Variants in EML1 observed in about 807,000 individuals in gnomAD.
EML1 encodes echinoderm microtubule-associated protein-like 1.
A neutral mutation model predicts 110.4 loss-of-function variants in EML1; 27 were observed. The observed-to-expected ratio is 0.24, with a 90% CI of 0.18 to 0.34. The LOEUF (loss-of-function observed/expected upper bound fraction) is 0.34, where lower values mean the gene tolerates loss of function less well. Ranked by LOEUF, EML1 falls within the 10% of genes least tolerant of loss-of-function variation. EML1 has a pLI of 1.00. For missense variants in EML1, 741 were observed against 1,030.9 expected (o/e 0.72, Z 3.85); for synonymous variants, 344 against 385.8 (o/e 0.89, Z 1.27).
At position 99,876,608 on chromosome 14, in the gene EML1, C is replaced by G. The variant is rs1264778054; in HGVS notation, c.384-1877C>G. On this transcript the variant is annotated intron_variant, in intron 3 of 21. Coordinates refer to ENST00000262233, the MANE Select transcript of EML1 (RefSeq NM_004434.3). ...TTTCCTCTGCATCCGTGGCTCAGCA[C>G]CCGCCAGATGGATAGAGTCTGTCCT... Among the ~76,000 whole-genome samples the G allele has an allele frequency of 2.0e-5, 3 of 152,310 alleles. No individual in the cohort carries two copies. The East Asian group carries it at 5.8e-4, about 29-fold the overall frequency.
intron 1 of EML1, among the ~76,000 whole-genome samples, chr14:99,741,239 A>T (rs1595223835): frequency 6.6e-6 from 1 of 152,156 alleles, no homozygotes; most frequent in Admixed American, 6.5e-5. Flanking sequence ...CAGCAGAGTG[A>T]CCCTGTCTCT....
chr14:99,908,766 A>G (rs2059898193), intron 10 of EML1, among the ~76,000 whole-genome samples: 2 of 152,194 alleles, frequency 1.3e-5, no homozygotes, highest in South Asian at 4.1e-4. Flanking sequence ...TCACTGAGCC[A>G]CAGGCAGAGT....
At chr14:99,849,790 C>T (rs896196001) in intron 1 of EML1, among the ~76,000 whole-genome samples, 7 of 152,084 alleles carry the variant, frequency 4.6e-5, no homozygotes, top group African/African-American at 1.2e-4. Context: ...TTAGGTGATC[C>T]GTTTGCCTTG....
At position 99,939,415 on chromosome 14, in the gene EML1, G is replaced by A; in HGVS notation, c.2322+88G>A. 2 of 1,560,894 alleles carry A rather than the reference G, an allele frequency of 1.3e-6. No individual in the cohort carries two copies. The highest frequency in any genetic ancestry group is 1.2e-5 in the South Asian group (1 of 83,468). Reference sequence around the variant, plus strand: ...TTTGGAGACTAAGTGGAAATGGGCTGTGAGCGACTGCTGCCAGCCACAAAG... The same window carrying A: ...TTTGGAGACTAAGTGGAAATGGGCTATGAGCGACTGCTGCCAGCCACAAAG... On this transcript the variant is annotated intron_variant, in intron 21 of 21. Coordinates refer to ENST00000262233, the MANE Select transcript of EML1 (RefSeq NM_004434.3). This position sits in a 1 kb window ranked among gnomAD's most constrained non-coding sequence, Gnocchi z 4.2.
At chr14:99,821,005 C>G (rs1007982012) in intron 1 of EML1, among the ~76,000 whole-genome samples, 1 of 151,228 alleles carries the variant, frequency 6.6e-6, no homozygotes, top group African/African-American at 2.4e-5. Context: ...GTTATTGCAG[C>G]AGGACTTCTT....
In EML1 at chr14:99,937,909, T is replaced by C; in HGVS notation, c.2188T>C (p.Phe730Leu). 6.2e-7 allele frequency: 1 copy of C among 1,613,820 alleles called. No individual in the cohort carries two copies. Among genetic ancestry groups the C allele is most frequent in the South Asian group, 1.1e-5 (1 of 91,056 alleles). The change falls in exon 20 of 22, where the codon TTT (phenylalanine) becomes CTT (leucine). Residue 730 changes from phenylalanine to leucine, a missense_variant. Phe to Leu is a conservative substitution (Grantham distance 22). Transcript: ENST00000262233. ...TYTCTLGFHV[F>L]GVWPEGSDGT... ...TACCTGCACTTTGGGATTCCATGTTTTTGGTAAGTTTGCTGCAGATTTCAC... is the reference window on the plus strand; with the variant it reads ...TACCTGCACTTTGGGATTCCATGTTCTTGGTAAGTTTGCTGCAGATTTCAC...
At chr14:99,829,317 A>G (rs534678694) in intron 1 of EML1, among the ~76,000 whole-genome samples, 1 of 152,106 alleles carries the variant, frequency 6.6e-6, no homozygotes, top group Non-Finnish European at 1.5e-5. Context: ...CTCATGAGTG[A>G]CAGCATCTGT....
At chr14:99,747,112 CAGG>C (rs1256455281) in intron 1 of EML1, among the ~76,000 whole-genome samples, 1 of 144,330 alleles carries the variant, frequency 6.9e-6, no homozygotes, top group Non-Finnish European at 1.5e-5. Context: ...GGCGTGAACC[CAGG>C]AGGTGGAGCT....
chr14:99,816,511 G>A (rs1376403402), intron 1 of EML1, among the ~76,000 whole-genome samples: 1 of 152,226 alleles, frequency 6.6e-6, no homozygotes, highest in Non-Finnish European at 1.5e-5. Flanking sequence ...AGGCAGATAG[G>A]CCTCGTGCTA....
intron 4 of EML1, among the ~76,000 whole-genome samples, chr14:99,882,672 A>G (rs1052236211): frequency 4.8e-5 from 7 of 145,322 alleles, no homozygotes; most frequent in African/African-American, 1.6e-4. Flanking sequence ...AAAAAAAAAA[A>G]AAAGAAAATT....
In EML1 at chr14:99,793,446, CG is replaced by C; in HGVS notation, c.-27del. On this transcript the variant is annotated 5_prime_UTR_variant, in exon 1 of 22. Transcript: ENST00000262233. ...GTGAGCGGCGGCGGCGCGGCCGGGC[CG>C]GGGAGCGGGCGCGGCCCGGCGGCCT... is the stretch of plus-strand genomic sequence containing the variant. 1.9e-6 allele frequency: 2 copies of C among 1,037,080 alleles called. No individual in the cohort carries two copies. Among genetic ancestry groups the C allele is most frequent in the Non-Finnish European group, 2.3e-6 (2 of 863,196 alleles). 64.2% of individuals were successfully genotyped at this position (1,037,080 alleles called of 1,614,324 possible).
At chr14:99,840,294 T>TTACTTAGTGG (rs2139802114) in intron 1 of EML1, among the ~76,000 whole-genome samples, 1 of 152,370 alleles carries the variant, frequency 6.6e-6, no homozygotes, top group South Asian at 2.1e-4. Context: ...TATGTGTATT[T>TTACTTAGTGG]TACTTAGTAC....
In EML1 at chr14:99,930,308, A is replaced by G. The variant is rs146889270; in HGVS notation, c.1910-5721A>G. Among the ~76,000 whole-genome samples, 258 of 152,342 alleles carry G rather than the reference A, an allele frequency of 1.7e-3. 4 individuals are homozygous for G. The East Asian group carries it at 0.028, about 17-fold the overall frequency. On this transcript the variant is annotated intron_variant, in intron 17 of 21. Transcript: ENST00000262233. Reference sequence around the variant, plus strand: ...AGGCCCAGGTTTCAGTTGTTGGTCTATACCTCACCGTGGGTGGAAGAGGGA... The same window carrying G: ...AGGCCCAGGTTTCAGTTGTTGGTCTGTACCTCACCGTGGGTGGAAGAGGGA...
chr14:99,796,103 A>C (rs28597902), intron 1 of EML1, among the ~76,000 whole-genome samples: 47,847 of 150,966 alleles, frequency 0.32, 8,903 homozygotes, highest in African/African-American at 0.51. Flanking sequence ...GGGAGGATTG[A>C]TTGAGCCCAG....
At chr14:99,875,688 CAG>C (rs2059279314) in intron 3 of EML1, among the ~76,000 whole-genome samples, 1 of 152,168 alleles carries the variant, frequency 6.6e-6, no homozygotes, top group African/African-American at 2.4e-5. Flanking sequence ...AAGTGTGCAT[CAG>C]AGCCTTGTAC....
chr14:99,794,867 A>G (rs187288594), intron 1 of EML1, among the ~76,000 whole-genome samples: 3 of 152,340 alleles, frequency 2.0e-5, no homozygotes, highest in Admixed American at 1.3e-4. Context: ...GGAATACTTT[A>G]TAGTATAGAG....
At chr14:99,763,183 G>A (rs1168243447) in intron 1 of EML1, among the ~76,000 whole-genome samples, 1 of 152,192 alleles carries the variant, frequency 6.6e-6, no homozygotes, top group Non-Finnish European at 1.5e-5. Context: ...CCATGATTGT[G>A]AGGCCTCCCC....
intron 1 of EML1, among the ~76,000 whole-genome samples, chr14:99,804,647 C>G (rs1255844781): frequency 6.6e-6 from 1 of 152,198 alleles, no homozygotes; most frequent in Non-Finnish European, 1.5e-5. Context: ...CTGAAAGGGA[C>G]TTAGGAGATT....
In EML1 at chr14:99,939,168, C is replaced by T. The variant is rs1566949766; in HGVS notation, c.2192-29C>T. ...GTGGCCCTGTGGCCCCTGGTGTTTC[C>T]AGCGCCCTGTTTGTGGTCTTTGTTT... is the stretch of plus-strand genomic sequence containing the variant. On this transcript the variant is annotated intron_variant, in intron 20 of 21. Coordinates refer to ENST00000262233, the MANE Select transcript of EML1 (RefSeq NM_004434.3). This position sits in a 1 kb window ranked among gnomAD's most constrained non-coding sequence, Gnocchi z 4.2. 2 of 1,612,196 alleles carry T rather than the reference C, an allele frequency of 1.2e-6. No homozygotes were observed. Among genetic ancestry groups the T allele is most frequent in the Non-Finnish European group, 1.7e-6 (2 of 1,178,928 alleles).
Sources: gnomAD v4.1 joint callset for allele counts (sites outside exome capture counted in the v4.1 genomes callset) on GRCh38, gnomAD v4.1.1 for gene constraint, Gnocchi (gnomAD v3.1) non-coding constraint, MANE v1.5 for transcripts, NCBI Gene and HGNC (gene_info 2026-07-23, HGNC 2026-07-21) for gene names.